Variants in STK26 observed in about 807,000 individuals in gnomAD.
STK26 encodes serine/threonine kinase 26, also known as serine/threonine-protein kinase 26.
STK26 carries 14 observed loss-of-function variants against 34.7 expected under a neutral mutation model. That is an observed-to-expected ratio of 0.40 (90% CI 0.27 to 0.63). The LOEUF (loss-of-function observed/expected upper bound fraction) is 0.63, where lower values mean the gene tolerates loss of function less well. STK26 is among the 30% of genes least tolerant of loss of function. The probability of loss-of-function intolerance (pLI) is 0.38; values close to 1 mark genes in which losing one functional copy is unlikely to be tolerated. For synonymous variants in STK26, 100 were observed against 109.8 expected (o/e 0.91, Z 0.56); for missense variants, 226 against 309.1 (o/e 0.73, Z 2.02).
intron 2 of STK26, among the ~76,000 whole-genome samples, chrX:132,048,156 A>G (rs761439851): frequency 8.9e-6 from 1 of 112,077 alleles, no homozygotes; most frequent in East Asian, 2.8e-4. Context: ...AATGCATGTT[A>G]ATTAGCTAGA....
chrX:132,037,226 A>G (rs1434506434), intron 2 of STK26, among the ~76,000 whole-genome samples: 1 of 111,972 alleles, frequency 8.9e-6, no homozygotes, highest in East Asian at 2.8e-4. Context: ...ATATAATAGT[A>G]TTGTCAGGAT....
chrX:132,069,713 C>CT, intron 7 of STK26, 50 bp downstream of exon 7: 1 of 869,260 alleles, frequency 1.2e-6, no homozygotes. Flanking sequence ...ATTAGATCTA[C>CT]TTATAGCAAA....
chrX:132,044,819 T>TTA (rs199650022), intron 2 of STK26, among the ~76,000 whole-genome samples: 536 of 46,419 alleles, frequency 0.012, 48 homozygotes, highest in Middle Eastern at 0.03. Flanking sequence ...ATATATATAT[T>TTA]TATATATATA....
intron 2 of STK26, among the ~76,000 whole-genome samples, chrX:132,050,773 G>T (rs1205259335): frequency 3.6e-5 from 4 of 111,779 alleles, no homozygotes; most frequent in African/African-American, 1.3e-4. Context: ...CACTTTTAAT[G>T]TACAGAATTA....
chrX:132,044,627 TTCTCTC>T (rs202173059), intron 2 of STK26, among the ~76,000 whole-genome samples: 6,240 of 42,777 alleles, frequency 0.15, 856 homozygotes, highest in African/African-American at 0.21. Context: ...GATGTTCAAA[TTCTCTC>T]TCTCTCTCTC....
intron 2 of STK26, among the ~76,000 whole-genome samples, chrX:132,043,721 A>C (rs1401031055): frequency 9.0e-6 from 1 of 111,487 alleles, no homozygotes; most frequent in East Asian, 2.8e-4. Flanking sequence ...AGAGTATGAA[A>C]TCATCCTGGA....
chrX:132,025,708 C>A, intron 2 of STK26, among the ~76,000 whole-genome samples: 1 of 86,496 alleles, frequency 1.2e-5, no homozygotes, highest in African/African-American at 4.4e-5. Context: ...TTCTTAACTT[C>A]TTATTTCCAT....
At chrX:132,049,806 G>C (rs950791139) in intron 2 of STK26, among the ~76,000 whole-genome samples, 20 of 112,240 alleles carry the variant, frequency 1.8e-4, no homozygotes, top group African/African-American at 6.5e-4. Flanking sequence ...TCTTTGTAAA[G>C]TGCAAAAAGT....
rs142428398 is a variant in STK26 at position 132,038,098 on chromosome X, T to G, written c.42+14439T>G. 8.1e-5 allele frequency among the ~76,000 whole-genome samples: 9 copies of G among 110,880 alleles called. No individual in the cohort carries two copies. The Admixed American group carries it at 8.7e-4, about 11-fold the overall frequency. On this transcript the variant is annotated intron_variant, in intron 2 of 11. Transcript: ENST00000394334. Reference sequence around the variant, plus strand: ...GCTTAGGGAAGGTAGAATTTCATAATAACAGAGGATTACTGCTGCCTCATG... The same window carrying G: ...GCTTAGGGAAGGTAGAATTTCATAAGAACAGAGGATTACTGCTGCCTCATG...
intron 2 of STK26, among the ~76,000 whole-genome samples, chrX:132,034,258 AAAGGGCCTTG>A (rs1326520007): frequency 2.0e-5 from 2 of 101,553 alleles, no homozygotes; most frequent in Admixed American, 2.2e-4. Context: ...GCTAGACTGT[AAAGGGCCTTG>A]AATGCCAGAA....
chrX:132,029,910 G>C (rs1200995165), intron 2 of STK26, among the ~76,000 whole-genome samples: 1 of 111,282 alleles, frequency 9.0e-6, no homozygotes, highest in Non-Finnish European at 1.9e-5. Context: ...TCCCAAATGA[G>C]GTTGTACATT....
rs751231339 is a variant in STK26 at position 132,074,221 on chromosome X, G to A, written c.*62G>A. 81 of 1,087,302 alleles carry A rather than the reference G, an allele frequency of 7.4e-5. No individual in the cohort carries two copies. The South Asian group carries it at 1.5e-3, about 20-fold the overall frequency. The allele number at this position is 1,087,302 out of a possible 1,213,427, so 89.6% of individuals were successfully genotyped here. A position where few individuals can be genotyped will look rare whatever the true frequency, so the allele number is the denominator to read the frequency against. On this transcript the variant is annotated 3_prime_UTR_variant, in exon 12 of 12. Coordinates refer to ENST00000394334, the MANE Select transcript of STK26 (RefSeq NM_016542.4). The stretch of plus-strand genomic sequence containing the variant: ...GAGAGCCCCACCAAACCTACGTCAA[G>A]ATTAACAATGCTTAACCCATGAGCT...
chrX:132,031,677 T>C (rs1925845288), intron 2 of STK26, among the ~76,000 whole-genome samples: 1 of 112,419 alleles, frequency 8.9e-6, no homozygotes, highest in African/African-American at 3.2e-5. Context: ...ACATACCACA[T>C]TTTCTTTATC....
chrX:132,071,166 G>A lies in STK26; in HGVS notation c.881G>A (p.Trp294Ter). 1 of 1,210,367 alleles carries A rather than the reference G, an allele frequency of 8.3e-7. No homozygotes were observed. Among genetic ancestry groups the A allele is most frequent in the Non-Finnish European group, 1.1e-6 (1 of 894,357 alleles). The change falls in exon 8 of 12, where the codon TGG becomes TAG. Residue 294 changes from tryptophan to a stop codon, truncating the protein, a stop_gained. Transcript: ENST00000394334. LOFTEE classifies it high-confidence loss of function. The part of the protein sequence containing the change: ...LTELIDRFKR[W>*]KAEGHSDDES... ...GAACTGATAGATCGTTTTAAGAGAT[G>A]GAAGGCAGAAGGACACAGTGATGAT...
At chrX:132,054,110 AAC>A (rs1926776887) in intron 2 of STK26, among the ~76,000 whole-genome samples, 1 of 112,220 alleles carries the variant, frequency 8.9e-6, no homozygotes, top group African/African-American at 3.2e-5. Context: ...ACTAATGAAA[AAC>A]AAAGACCTGT....
rs998471300 is a variant in STK26, at chrX:132,074,750, G to A, written c.*591G>A. 1 of 111,170 alleles carries A rather than the reference G, an allele frequency of 9.0e-6. No homozygotes were observed. Among genetic ancestry groups the A allele is most frequent in the African/African-American group, 3.3e-5 (1 of 30,624 alleles). The allele number at this position is 111,170 out of a possible 1,213,427, so 9.2% of individuals were successfully genotyped here. A position where few individuals can be genotyped will look rare whatever the true frequency, so the allele number is the denominator to read the frequency against. ...ATGATTATCACATTTGAGACCCTGT[G>A]TTTGAAGCATTTACAGGCAATGTAC... On this transcript the variant is annotated 3_prime_UTR_variant, in exon 12 of 12. Transcript: ENST00000394334.
At chrX:132,064,491 T>C (rs1037779057) in intron 4 of STK26, among the ~76,000 whole-genome samples, 8 of 111,822 alleles carry the variant, frequency 7.2e-5, no homozygotes, top group African/African-American at 2.6e-4. Context: ...CCTATCAATG[T>C]TGAGTTTCTT....
chrX:132,044,921 C>CAT (rs200342934), intron 2 of STK26, among the ~76,000 whole-genome samples: 1 of 100,976 alleles, frequency 9.9e-6, no homozygotes, highest in Non-Finnish European at 2.0e-5. Flanking sequence ...TATAGAGAAA[C>CAT]ATATATATAT....
intron 3 of STK26, among the ~76,000 whole-genome samples, chrX:132,059,200 T>A (rs2124177279): frequency 8.9e-6 from 1 of 111,787 alleles, no homozygotes; most frequent in Non-Finnish European, 1.9e-5. Flanking sequence ...TACATACTTA[T>A]TGTGGCCCAT....
Sources: allele counts gnomAD v4.1 joint callset (sites outside exome capture counted in the v4.1 genomes callset), GRCh38; gene constraint gnomAD v4.1.1; transcripts MANE v1.5; gene names NCBI Gene and HGNC (gene_info 2026-07-23, HGNC 2026-07-21).